LOXHD1: variants seen among roughly 807,000 people sequenced by gnomAD.
LOXHD1 encodes lipoxygenase homology domain-containing protein 1.
A neutral mutation model predicts 248.2 loss-of-function variants in LOXHD1; 205 were observed. The ratio of observed to expected loss-of-function variants is 0.83; its 90% CI spans 0.74 to 0.93. The LOEUF (loss-of-function observed/expected upper bound fraction) is 0.93. LOXHD1 is among the 40% of genes least tolerant of loss of function. The pLI is 0.00. For synonymous variants in LOXHD1, 1,113 were observed against 1,162.8 expected (o/e 0.96, Z 0.87); for missense variants, 2,930 against 2,971.6 (o/e 0.99, Z 0.33).
chr18:46,483,139 C>A (rs1303144820), intron 40 of LOXHD1, among the ~76,000 whole-genome samples: 2 of 152,160 alleles, frequency 1.3e-5, no homozygotes, highest in East Asian at 1.9e-4. Flanking sequence ...GCAGATGGAC[C>A]ATTGGATTAC....
intron 31 of LOXHD1, 134 bp downstream of exon 31, chr18:46,524,332 G>A (rs2035719679): frequency 4.5e-6 from 6 of 1,322,340 alleles, no homozygotes; most frequent in Non-Finnish European, 6.2e-6. Flanking sequence ...TAATATGTGT[G>A]AAAACTATGT....
At chr18:46,560,776 C>G (rs2037510631) in intron 18 of LOXHD1, among the ~76,000 whole-genome samples, 1 of 152,200 alleles carries the variant, frequency 6.6e-6, no homozygotes, top group Non-Finnish European at 1.5e-5. Flanking sequence ...TTATTTCTTC[C>G]AACTTCTGTG....
intron 14 of LOXHD1, among the ~76,000 whole-genome samples, chr18:46,577,290 C>T (rs565565438): frequency 5.8e-4 from 89 of 152,162 alleles, no homozygotes; most frequent in African/African-American, 2.1e-3. Flanking sequence ...AGGTAAGATA[C>T]CTTGAAAAGA....
chr18:46,559,440 C>T lies in LOXHD1; in HGVS notation c.3216+8G>A, dbSNP rs2037461508. 2 of 1,551,962 alleles carry T rather than the reference C, an allele frequency of 1.3e-6. No individual in the cohort carries two copies. The highest frequency in any genetic ancestry group is 1.4e-5 in the African/African-American group (1 of 73,040). On this transcript the variant is annotated splice_region_variant and intron_variant, in intron 20 of 40. Coordinates refer to ENST00000642948, the MANE Select transcript of LOXHD1 (RefSeq NM_001384474.1). ...CCCCCACCCAGGGGCCAGAGACCCT[C>T]ACCCTACCTGCCCCTGCTCAAATTT...
intron 37 of LOXHD1, among the ~76,000 whole-genome samples, chr18:46,496,415 G>C (rs973885407): frequency 4.6e-5 from 7 of 152,130 alleles, no homozygotes; most frequent in African/African-American, 1.7e-4. Context: ...TGATTTATAT[G>C]GTATTTGTTC....
At chr18:46,481,378 G>A (rs750958135) in intron 40 of LOXHD1, among the ~76,000 whole-genome samples, 39 of 152,064 alleles carry the variant, frequency 2.6e-4, no homozygotes, top group Non-Finnish European at 4.7e-4. Flanking sequence ...AGAATTGCAG[G>A]TGACAGGTTT....
intron 33 of LOXHD1, chr18:46,518,864 G>A (rs76110814): frequency 5.1e-6 from 5 of 985,094 alleles, no homozygotes; most frequent in Admixed American, 6.1e-5. Context: ...GGGTGCCATC[G>A]GGAGTGATTC....
chr18:46,652,834 G>C (rs1954683419), intron 1 of LOXHD1, among the ~76,000 whole-genome samples: 1 of 152,206 alleles, frequency 6.6e-6, no homozygotes, highest in African/African-American at 2.4e-5. Flanking sequence ...TGTATCAAAT[G>C]CAATAGTAAT....
intron 21 of LOXHD1, among the ~76,000 whole-genome samples, chr18:46,548,721 G>A (rs1391430603): frequency 1.3e-5 from 2 of 152,188 alleles, no homozygotes; most frequent in Non-Finnish European, 2.9e-5. Flanking sequence ...GACAGAGTGT[G>A]TAGGAAGTTG....
chr18:46,576,758 G>A (rs1043758738), intron 14 of LOXHD1, among the ~76,000 whole-genome samples: 10 of 152,162 alleles, frequency 6.6e-5, no homozygotes, highest in South Asian at 2.1e-4. Flanking sequence ...GTGGCCCTCC[G>A]TGGCTGGGAA....
intron 9 of LOXHD1, 119 bp from the exon 10 acceptor site, chr18:46,593,879 G>T: frequency 9.7e-7 from 1 of 1,031,176 alleles, no homozygotes; most frequent in South Asian, 1.6e-5. Flanking sequence ...ATACACAGGT[G>T]TGTCCCACTC....
At position 46,477,394 on chromosome 18, in the gene LOXHD1, AG is replaced by A. The variant is rs1424245533; in HGVS notation, c.*77del. On this transcript the variant is annotated 3_prime_UTR_variant, in exon 41 of 41. Transcript: ENST00000642948. The stretch of plus-strand genomic sequence containing the variant: ...CCAGTGCCAATGCTAGAGGCTTTGA[AG>A]GGCTGCTGACCGCCAAGGTGGAGGG... 1.3e-6 allele frequency: 2 copies of A among 1,522,632 alleles called. No homozygotes were observed. The highest frequency in any genetic ancestry group is 2.8e-5 in the African/African-American group (2 of 72,474). 94.3% of individuals were successfully genotyped at this position (1,522,632 alleles called of 1,614,324 possible). A position where few individuals can be genotyped will look rare whatever the true frequency, so the allele number is the denominator to read the frequency against.
intron 21 of LOXHD1, 67 bp from the exon 22 acceptor site, chr18:46,547,125 G>C: frequency 6.5e-7 from 1 of 1,535,150 alleles, no homozygotes; most frequent in Non-Finnish European, 8.8e-7. Context: ...AGCAGTCATG[G>C]GCTGAGAATG....
intron 2 of LOXHD1, among the ~76,000 whole-genome samples, chr18:46,643,531 C>T (rs1029121459): frequency 6.6e-6 from 1 of 152,216 alleles, no homozygotes; most frequent in African/African-American, 2.4e-5. Context: ...AACTAGCAAT[C>T]GTGAGGGTCT....
chr18:46,477,567 T>C lies in LOXHD1; in HGVS notation c.6727A>G (p.Ser2243Gly). The change falls in exon 41 of 41, where the codon AGC (serine) becomes GGC (glycine). Residue 2243 changes from serine to glycine, a missense_variant. Transcript: ENST00000642948. ...TTGAAGATGGTGGCCACGCCGGTGC[T>C]GGTGTTGGTGACCTCCACCTTCTCC... ...LVEKVEVTNT[S>G]TGVATIFNCG... 2 of 1,551,718 alleles carry C rather than the reference T, an allele frequency of 1.3e-6. No homozygotes were observed. Among genetic ancestry groups the C allele is most frequent in the Non-Finnish European group, 1.7e-6 (2 of 1,147,012 alleles).
intron 34 of LOXHD1, among the ~76,000 whole-genome samples, chr18:46,515,628 G>C (rs1221082023): frequency 6.6e-6 from 1 of 152,216 alleles, no homozygotes; most frequent in Non-Finnish European, 1.5e-5. Flanking sequence ...TGGAAAACAA[G>C]TTGGAATGTA....
Position 46,594,434 on chromosome 18 carries a change from C to T in LOXHD1, c.1167G>A (p.Gln389=). The T allele has an allele frequency of 6.4e-7, 1 of 1,551,602 alleles. No individual in the cohort carries two copies. Among genetic ancestry groups the T allele is most frequent in the Non-Finnish European group, 8.7e-7 (1 of 1,146,984 alleles). The change falls in exon 9 of 41, where the codon CAG becomes CAA. Residue 389 remains glutamine, a synonymous_variant. Coordinates refer to ENST00000642948, the MANE Select transcript of LOXHD1 (RefSeq NM_001384474.1). ...VVILCPFTGI[Q]QTFPCSNWLD... is the part of the protein sequence containing the mutation. ...GCCAGTTGCTACAAGGGAAGGTCTG[C>T]TGGATACCAGTGAAGGGGCACAGAA...
At chr18:46,604,463 G>T (rs568533626) in intron 6 of LOXHD1, among the ~76,000 whole-genome samples, 1 of 152,204 alleles carries the variant, frequency 6.6e-6, no homozygotes, top group East Asian at 1.9e-4. Flanking sequence ...CTGAGCCACC[G>T]CTCCCTCCAC....
chr18:46,563,570 C>T (rs55761320), intron 17 of LOXHD1, among the ~76,000 whole-genome samples: 59,559 of 152,008 alleles, frequency 0.39, 13,480 homozygotes, highest in Non-Finnish European at 0.5. Context: ...CATGTTTGTC[C>T]TCTCCAAAAC....
Sources: allele counts gnomAD v4.1 joint callset (sites outside exome capture counted in the v4.1 genomes callset), GRCh38; gene constraint gnomAD v4.1.1; transcripts MANE v1.5; gene names NCBI Gene and HGNC (gene_info 2026-07-23, HGNC 2026-07-21).